NCOA7: variants seen among roughly 807,000 people sequenced by gnomAD.
NCOA7 encodes the protein 140 kDa estrogen receptor-associated protein.
A neutral mutation model predicts 104.3 loss-of-function variants in NCOA7; 45 were observed. The observed-to-expected ratio is 0.43, with a 90% CI of 0.34 to 0.55. The LOEUF is 0.55. Among genes scored for constraint, NCOA7 ranks in the 20% least tolerant of loss-of-function variants. NCOA7 has a pLI of 0.02. For synonymous variants in NCOA7, 398 were observed against 402.3 expected, an observed-to-expected ratio of 0.99 and a Z score of 0.13; for missense variants, 1,041 against 1,119.7, an observed-to-expected ratio of 0.93 and a Z score of 1.00.
intron 3 of NCOA7, among the ~76,000 whole-genome samples, chr6:125,858,270 A>G (rs141893448): frequency 1.1e-4 from 17 of 152,318 alleles, no homozygotes; most frequent in Admixed American, 2.0e-4. Context: ...TGGAGTTTCA[A>G]GAAAACTCTG....
intron 2 of NCOA7, among the ~76,000 whole-genome samples, chr6:125,838,506 G>A (rs72969749): frequency 0.073 from 11,143 of 152,222 alleles, 468 homozygotes; most frequent in Non-Finnish European, 0.096. Context: ...CAGCTTTGCA[G>A]GGGTACTTCT....
chr6:125,915,630 A>G (rs1787000436), intron 11 of NCOA7, 150 bp downstream of exon 11: 1 of 890,948 alleles, frequency 1.1e-6, no homozygotes, highest in South Asian at 1.8e-5. Flanking sequence ...CCTCCGTTTG[A>G]AAAAAAACAC....
At chr6:125,881,702 A>C (rs955879340) in intron 6 of NCOA7, among the ~76,000 whole-genome samples, 1 of 149,458 alleles carries the variant, frequency 6.7e-6, no homozygotes, top group African/African-American at 2.5e-5. Flanking sequence ...GCAAAAATGC[A>C]TGCCTTGTGT....
At chr6:125,800,606 A>G (rs1049558522) in intron 1 of NCOA7, among the ~76,000 whole-genome samples, 1 of 152,236 alleles carries the variant, frequency 6.6e-6, no homozygotes, top group Non-Finnish European at 1.5e-5. Flanking sequence ...CAGCCTAAAC[A>G]AAGAGTTGTG....
chr6:125,920,842 G>T, intron 11 of NCOA7, 101 bp from the exon 12 acceptor site: 1 of 1,449,882 alleles, frequency 6.9e-7, no homozygotes. Flanking sequence ...CTGCCGAAGC[G>T]TCACCTTTTC....
intron 2 of NCOA7, among the ~76,000 whole-genome samples, chr6:125,839,423 C>CAT (rs1779919622): frequency 5.3e-5 from 8 of 151,202 alleles, no homozygotes; most frequent in African/African-American, 2.0e-4. Flanking sequence ...AGGCCTAGGC[C>CAT]TTAGTGATTT....
chr6:125,786,934 C>G (rs1187462292), upstream of NCOA7, among the ~76,000 whole-genome samples: 1 of 151,936 alleles, frequency 6.6e-6, no homozygotes, highest in Non-Finnish European at 1.5e-5. Context: ...ATTGCTTGAG[C>G]CTAGGAGTTT....
intron 2 of NCOA7, among the ~76,000 whole-genome samples, chr6:125,838,458 G>C (rs927804764): frequency 6.6e-6 from 1 of 152,204 alleles, no homozygotes; most frequent in African/African-American, 2.4e-5. Context: ...GACAAGGGAA[G>C]ACCTGGCTGG....
At chr6:125,882,768 T>C (rs1783949883) in intron 7 of NCOA7, among the ~76,000 whole-genome samples, 1 of 152,188 alleles carries the variant, frequency 6.6e-6, no homozygotes, top group South Asian at 2.1e-4. Context: ...TTTGTGATCT[T>C]GGATTTATTG....
intron 2 of NCOA7, among the ~76,000 whole-genome samples, chr6:125,832,967 T>A (rs1779309446): frequency 6.6e-6 from 1 of 152,226 alleles, no homozygotes; most frequent in African/African-American, 2.4e-5. Flanking sequence ...GCCCACCAAA[T>A]CGTTTCAGTT....
intron 2 of NCOA7, among the ~76,000 whole-genome samples, chr6:125,841,784 A>G (rs1419045748): frequency 6.6e-6 from 1 of 152,200 alleles, no homozygotes; most frequent in Non-Finnish European, 1.5e-5. Flanking sequence ...AGTAGCCAGC[A>G]TGTAGCAATT....
chr6:125,895,339 G>A (rs775907722), intron 10 of NCOA7, among the ~76,000 whole-genome samples: 8 of 152,090 alleles, frequency 5.3e-5, no homozygotes, highest in South Asian at 4.1e-4. Flanking sequence ...ATAAGAAAGC[G>A]AAGGGAGAGA....
chr6:125,819,759 A>T (rs146574332), intron 2 of NCOA7, among the ~76,000 whole-genome samples: 95 of 152,268 alleles, frequency 6.2e-4, no homozygotes, highest in African/African-American at 2.0e-3. Context: ...TGTAGTTAGA[A>T]TGCAAAATTT....
In NCOA7 at chr6:125,878,261, A is replaced by G. The variant is rs755020403; in HGVS notation, c.352-2A>G. The G allele has an allele frequency of 5.0e-6, 8 of 1,604,640 alleles. No individual in the cohort carries two copies. The highest frequency in any genetic ancestry group is 6.8e-6 in the Non-Finnish European group (8 of 1,175,974). On this transcript the variant is annotated splice_acceptor_variant, in intron 4 of 15. Coordinates refer to ENST00000392477, the MANE Select transcript of NCOA7 (RefSeq NM_181782.5). LOFTEE classifies it high-confidence loss of function. ...TGACTCTTACCTGTTTGATTATTCT[A>G]GGCTGGAAACCAGGACACCCTAAAC...
At chr6:125,813,750 G>A (rs1023828215) in intron 1 of NCOA7, among the ~76,000 whole-genome samples, 5 of 152,032 alleles carry the variant, frequency 3.3e-5, no homozygotes, top group East Asian at 3.9e-4. Context: ...GCGCCTGGCC[G>A]GAAATCCATT....
At chr6:125,912,457 T>C (rs1439646799) in intron 10 of NCOA7, among the ~76,000 whole-genome samples, 1 of 152,262 alleles carries the variant, frequency 6.6e-6, no homozygotes, top group East Asian at 1.9e-4. Context: ...AGTCAAAGGA[T>C]TGAGAAAAAG....
At chr6:125,783,824 G>T (rs1774340097) in intron 1 of NCOA7, among the ~76,000 whole-genome samples, 1 of 152,072 alleles carries the variant, frequency 6.6e-6, no homozygotes, top group African/African-American at 2.4e-5. Flanking sequence ...TACTCTACAT[G>T]ATTTTCTGTA....
At chr6:125,792,495 C>T (rs1774946520) in intron 1 of NCOA7, among the ~76,000 whole-genome samples, 1 of 152,034 alleles carries the variant, frequency 6.6e-6, no homozygotes, top group South Asian at 2.1e-4. Flanking sequence ...CCAGAGGAAA[C>T]AATGATTTGG....
At chr6:125,918,300 A>G (rs1350389694) in intron 11 of NCOA7, among the ~76,000 whole-genome samples, 3 of 152,274 alleles carry the variant, frequency 2.0e-5, no homozygotes, top group Non-Finnish European at 2.9e-5. Context: ...ACCATCATAT[A>G]GGAAATAATA....
Sources: allele counts gnomAD v4.1 joint callset (sites outside exome capture counted in the v4.1 genomes callset), GRCh38; gene constraint gnomAD v4.1.1; transcripts MANE v1.5; gene names NCBI Gene and HGNC (gene_info 2026-07-23, HGNC 2026-07-21).